ARHGEF38: variants seen among roughly 807,000 people sequenced by gnomAD.
The protein encoded by ARHGEF38 is Rho guanine nucleotide exchange factor (GEF) 38.
Under a neutral mutation model 79.9 loss-of-function variants are expected in ARHGEF38, and 79 were observed. The ratio of observed to expected loss-of-function variants is 0.99; its 90% CI spans 0.82 to 1.19. ARHGEF38 has a LOEUF of 1.19. ARHGEF38 is among the 50% of genes most tolerant of loss of function. ARHGEF38 has a pLI of 0.00. For synonymous variants in ARHGEF38, 366 were observed against 328.3 expected (o/e 1.11, Z -1.24); for missense variants, 962 against 907.2 (o/e 1.06, Z -0.78).
At chr4:105,585,551 A>G (rs1337610988) in intron 1 of ARHGEF38, among the ~76,000 whole-genome samples, 2 of 152,168 alleles carry the variant, frequency 1.3e-5, no homozygotes, top group Non-Finnish European at 2.9e-5. Flanking sequence ...GAGTGAAGTC[A>G]ATTACATGGT....
In ARHGEF38 at chr4:105,552,803, T is replaced by A. The variant is rs1477320984; in HGVS notation, c.38T>A (p.Val13Asp). 2 of 1,612,100 alleles carry A rather than the reference T, an allele frequency of 1.2e-6. No homozygotes were observed. Among genetic ancestry groups the A allele is most frequent in the Non-Finnish European group, 1.7e-6 (2 of 1,179,394 alleles). Residue 13 changes from valine (V) to aspartate (D), a missense_variant, in exon 1 of 14, where the codon GTC (valine) becomes GAC (aspartate). Val to Asp is a radical substitution (Grantham distance 152). Transcript: ENST00000420470. ...GAAGCCACTGGGAAAGAAAACATGG[T>A]CACCAAGAAAAAGAATCTGGCCTTC... ...PKEATGKENM[V>D]TKKKNLAFLR...
chr4:105,601,451 T>A (rs1333599318), intron 2 of ARHGEF38, among the ~76,000 whole-genome samples: 1 of 152,042 alleles, frequency 6.6e-6, no homozygotes, highest in Non-Finnish European at 1.5e-5. Flanking sequence ...GATGATACCC[T>A]GAAATAGCAG....
chr4:105,635,680 T>C (rs1417437974), intron 4 of ARHGEF38, among the ~76,000 whole-genome samples: 6 of 152,106 alleles, frequency 3.9e-5, no homozygotes, highest in Admixed American at 2.6e-4. Flanking sequence ...GCATGTGAGC[T>C]TAAAGGAAAT....
downstream of ARHGEF38, among the ~76,000 whole-genome samples, chr4:105,682,221 C>A (rs375844746): frequency 3.9e-5 from 6 of 152,084 alleles, no homozygotes; most frequent in African/African-American, 1.4e-4. Context: ...TTAGGAAAAT[C>A]CATTGATATG....
At chr4:105,579,064 G>C (rs1560697652) in intron 1 of ARHGEF38, among the ~76,000 whole-genome samples, 1 of 152,064 alleles carries the variant, frequency 6.6e-6, no homozygotes, top group African/African-American at 2.4e-5. Flanking sequence ...TGGTGTATAG[G>C]AATGCTAGTG....
chr4:105,592,926 G>A (rs998076775), intron 2 of ARHGEF38, among the ~76,000 whole-genome samples: 6 of 152,068 alleles, frequency 3.9e-5, no homozygotes, highest in African/African-American at 1.2e-4. Context: ...TAGTGCAGTG[G>A]ATTCTATCCC....
rs1177438187 is a variant in ARHGEF38, at chr4:105,659,232, C to T, written c.1412C>T (p.Ala471Val). 4 of 1,536,116 alleles carry T rather than the reference C, an allele frequency of 2.6e-6. No homozygotes were observed. In the African/African-American group the frequency reaches 5.5e-5, roughly 21 times the overall value. The change falls in exon 10 of 14, where the codon GCC becomes GTC. Residue 471 changes from alanine to valine, a missense_variant. Coordinates refer to ENST00000420470, the MANE Select transcript of ARHGEF38 (RefSeq NM_001242729.2). Reference protein sequence around the residue: ...LAKKEYEALNAQLVEELQAFN... With the variant: ...LAKKEYEALNVQLVEELQAFN... The stretch of plus-strand genomic sequence containing the variant: ...AAAAAGGAGTATGAGGCCCTCAACG[C>T]CCAGCTTGTGGAGGAGCTCCAGGCA...
chr4:105,682,351 G>A (rs1487135877), downstream of ARHGEF38: 1 of 161,952 alleles, frequency 6.2e-6, no homozygotes. Flanking sequence ...GAGGAAAATA[G>A]AAAACTATGT....
At position 105,552,958 on chromosome 4, in the gene ARHGEF38, C is replaced by A; in HGVS notation, c.193C>A (p.Gln65Lys). The A allele has an allele frequency of 6.2e-7, 1 of 1,603,590 alleles. No homozygotes were observed. The change falls in exon 1 of 14, where the codon CAA (glutamine) becomes AAA (lysine). Residue 65 changes from glutamine to lysine, a missense_variant. Gln to Lys is a moderately conservative substitution (Grantham distance 53). Transcript: ENST00000420470. ...CAGGACCGAATACAACCAGAAATTA[C>A]AAGGTAACCAAAAAGAAATCAATTG... is the stretch of plus-strand genomic sequence containing the variant. ...SDRTEYNQKL[Q>K]EKMTPQGECS...
chr4:105,589,444 A>G lies in ARHGEF38; in HGVS notation c.384+9A>G. On this transcript the variant is annotated intron_variant, in intron 2 of 13. Coordinates refer to ENST00000420470, the MANE Select transcript of ARHGEF38 (RefSeq NM_001242729.2). ...CCCTGAGAAATAAAAAGGTAAATATATATTTGAGATTTTTTTTTCTCTCCC... is the reference window on the plus strand; with the variant it reads ...CCCTGAGAAATAAAAAGGTAAATATGTATTTGAGATTTTTTTTTCTCTCCC... 6 of 1,594,352 alleles carry G rather than the reference A, an allele frequency of 3.8e-6. No homozygotes were observed. The highest frequency in any genetic ancestry group is 5.1e-6 in the Non-Finnish European group (6 of 1,173,000).
At chr4:105,567,949 C>T (rs1385155671) in intron 1 of ARHGEF38, among the ~76,000 whole-genome samples, 1 of 123,226 alleles carries the variant, frequency 8.1e-6, no homozygotes, top group African/African-American at 3.1e-5. Context: ...CACCCCACAA[C>T]AGTCCCCAGA....
In ARHGEF38 at chr4:105,659,302, C is replaced by T. The variant is rs868660189; in HGVS notation, c.1482C>T (p.Ser494=). 3 of 1,536,044 alleles carry T rather than the reference C, an allele frequency of 2.0e-6. No homozygotes were observed. Among genetic ancestry groups the T allele is most frequent in the Non-Finnish European group, 2.6e-6 (3 of 1,146,872 alleles). The change falls in exon 10 of 14, where the codon AGC becomes AGT. Residue 494 remains serine (S), a synonymous_variant. Coordinates refer to ENST00000420470, the MANE Select transcript of ARHGEF38 (RefSeq NM_001242729.2). The part of the protein sequence containing the change: ...ARKILLNCLC[S]FITLLRDLML... ...AGATTCTGTTGAACTGTCTATGCAG[C>T]TTCATTACCCTCCTTAGGGACCTGA... is the stretch of plus-strand genomic sequence containing the variant.
At chr4:105,627,764 G>A (rs1396375917) in intron 3 of ARHGEF38, among the ~76,000 whole-genome samples, 2 of 152,062 alleles carry the variant, frequency 1.3e-5, no homozygotes, top group Non-Finnish European at 2.9e-5. Context: ...TAGACAGAGC[G>A]GTTGTCCTTC....
intron 5 of ARHGEF38, among the ~76,000 whole-genome samples, chr4:105,636,710 T>C (rs892433996): frequency 2.0e-5 from 3 of 152,096 alleles, no homozygotes; most frequent in African/African-American, 7.2e-5. Context: ...TTGGGAATCT[T>C]AATGTGTCCA....
At position 105,679,478 on chromosome 4, in the gene ARHGEF38, C is replaced by A; in HGVS notation, c.*1541C>A. ...GGCTTTCCAGAGTCATGGTCACAAA[C>A]CCCTTATCAGAGTTGATTAAAGATC... On this transcript the variant is annotated 3_prime_UTR_variant, in exon 14 of 14. Coordinates refer to ENST00000420470, the MANE Select transcript of ARHGEF38 (RefSeq NM_001242729.2). 6.3e-7 allele frequency: 1 copy of A among 1,581,442 alleles called. No homozygotes were observed. The highest frequency in any genetic ancestry group is 8.7e-7 in the Non-Finnish European group (1 of 1,153,288).
Position 105,659,842 on chromosome 4 carries a change from C to T in ARHGEF38, c.1545+477C>T, listed in dbSNP as rs552983567. Among the ~76,000 whole-genome samples the T allele has an allele frequency of 4.5e-5, 6 of 132,412 alleles. No individual in the cohort carries two copies. The East Asian group carries it at 1.2e-3, about 27-fold the overall frequency. 86.9% of individuals were successfully genotyped at this position (132,412 alleles called of 152,430 possible). A position where few individuals can be genotyped will look rare whatever the true frequency, so the allele number is the denominator to read the frequency against. The stretch of plus-strand genomic sequence containing the variant: ...TTCATTTTTCCCCAAGAAAGAGAAG[C>T]CTGGTTTTGTGTGTGTGTGTGTGTG... On this transcript the variant is annotated intron_variant, in intron 10 of 13. Coordinates refer to ENST00000420470, the MANE Select transcript of ARHGEF38 (RefSeq NM_001242729.2).
intron 1 of ARHGEF38, among the ~76,000 whole-genome samples, chr4:105,579,893 C>T (rs1297293394): frequency 6.6e-6 from 1 of 152,056 alleles, no homozygotes; most frequent in Non-Finnish European, 1.5e-5. Flanking sequence ...CTATTTACTA[C>T]TTACTCAGTT....
rs1731228613 is a variant in ARHGEF38 at position 105,679,322 on chromosome 4, A to C, written c.*1385A>C. 1 of 871,920 alleles carries C rather than the reference A, an allele frequency of 1.1e-6. No homozygotes were observed. Among genetic ancestry groups the C allele is most frequent in the African/African-American group, 1.7e-5 (1 of 60,102 alleles). 54.0% of individuals were successfully genotyped at this position (871,920 alleles called of 1,614,324 possible). The stretch of plus-strand genomic sequence containing the variant: ...CCACTTTGCCTGTAACCTTTGACTC[A>C]ATTGGAGGAATATCAAAGCAAACAC... On this transcript the variant is annotated 3_prime_UTR_variant, in exon 14 of 14. Coordinates refer to ENST00000420470, the MANE Select transcript of ARHGEF38 (RefSeq NM_001242729.2).
At chr4:105,659,012 C>G in intron 9 of ARHGEF38, 42 bp from the exon 10 acceptor site, 1 of 1,486,474 alleles carries the variant, frequency 6.7e-7, no homozygotes, top group African/African-American at 1.4e-5. Flanking sequence ...AAGGTATGGG[C>G]TGATCCTCTC....
Sources: allele counts gnomAD v4.1 joint callset (sites outside exome capture counted in the v4.1 genomes callset), GRCh38; gene constraint gnomAD v4.1.1; transcripts MANE v1.5; gene names NCBI Gene and HGNC (gene_info 2026-07-23, HGNC 2026-07-21).